L3MBTL4: variants seen among roughly 807,000 people sequenced by gnomAD.
The protein encoded by L3MBTL4 is L3MBTL histone methyl-lysine binding protein 4, also known as lethal(3)malignant brain tumor-like protein 4.
A neutral mutation model predicts 84.5 loss-of-function variants in L3MBTL4; 70 were observed. The ratio of observed to expected loss-of-function variants is 0.83; its 90% confidence interval spans 0.68 to 1.01. The LOEUF (loss-of-function observed/expected upper bound fraction) is 1.01. Ranked by LOEUF, L3MBTL4 falls within the 50% of genes least tolerant of loss-of-function variation. The pLI, the probability that L3MBTL4 is intolerant of heterozygous loss-of-function variation, is 0.00. For synonymous variants in L3MBTL4, 274 were observed against 259.8 expected (o/e 1.05, Z -0.52); for missense variants, 715 against 754.8 (o/e 0.95, Z 0.62).
At chr18:6,059,319 C>T (rs4422054) in intron 16 of L3MBTL4, among the ~76,000 whole-genome samples, 40,543 of 152,114 alleles carry the variant, frequency 0.27, 5,920 homozygotes, top group East Asian at 0.59. Flanking sequence ...AGCCTTGTAC[C>T]TAAAAATAAG....
chr18:6,017,690 T>G (rs2055060018), intron 16 of L3MBTL4: 1 of 152,186 alleles, frequency 6.6e-6, no homozygotes, highest in Admixed American at 6.5e-5. Flanking sequence ...AAAGAGCAAT[T>G]AATTCTTTTA....
chr18:5,986,238 G>A (rs1410535840), intron 16 of L3MBTL4, among the ~76,000 whole-genome samples: 1 of 152,150 alleles, frequency 6.6e-6, no homozygotes, highest in Non-Finnish European at 1.5e-5. Context: ...TTTCATATAC[G>A]ATGGTATTTG....
At chr18:6,211,196 G>A (rs1003775855) in intron 12 of L3MBTL4, among the ~76,000 whole-genome samples, 31 of 152,218 alleles carry the variant, frequency 2.0e-4, no homozygotes, top group Non-Finnish European at 3.4e-4. Flanking sequence ...ATGTCCAAGA[G>A]AAGAGTAATT....
At chr18:6,356,540 A>T (rs931733154) in intron 1 of L3MBTL4, among the ~76,000 whole-genome samples, 1 of 152,264 alleles carries the variant, frequency 6.6e-6, no homozygotes, top group Non-Finnish European at 1.5e-5. Context: ...CACTCAGGCT[A>T]TATGGAATGG....
At chr18:6,142,535 G>GA (rs1449298525) in intron 13 of L3MBTL4, among the ~76,000 whole-genome samples, 13 of 152,120 alleles carry the variant, frequency 8.5e-5, no homozygotes, top group Non-Finnish European at 1.8e-4. Context: ...CATAAATAAA[G>GA]AAAAATAGAG....
chr18:6,138,273 G>A lies in L3MBTL4; in HGVS notation c.1120C>T (p.Pro374Ser), dbSNP rs773492864. ...PQRTNDLKIL[P>S]GQAVCPTPGC... ...GGAGTAGGACAGACAGCTTGACCTG[G>A]AAGGATCTTCAGGTCATTCGTTCCT... The change falls in exon 14 of 19, where the codon CCA becomes TCA. Residue 374 changes from proline (P) to serine (S), a missense_variant. Pro to Ser is a moderately conservative substitution (Grantham distance 74, BLOSUM62 -1). Transcript: ENST00000317931. The A allele has an allele frequency of 2.8e-5, 45 of 1,611,622 alleles. No homozygotes were observed. Among genetic ancestry groups the A allele is most frequent in the Non-Finnish European group, 3.8e-5 (45 of 1,178,378 alleles).
chr18:6,004,446 A>G (rs1463840839), intron 16 of L3MBTL4, among the ~76,000 whole-genome samples: 13 of 152,210 alleles, frequency 8.5e-5, no homozygotes, highest in Admixed American at 8.5e-4. Flanking sequence ...TTTACCAAAT[A>G]TTTAAAGAAC....
chr18:6,216,243 A>C (rs918525558), intron 10 of L3MBTL4, among the ~76,000 whole-genome samples: 8 of 152,246 alleles, frequency 5.3e-5, no homozygotes, highest in Non-Finnish European at 1.2e-4. Flanking sequence ...AAAATCTTTC[A>C]AATTTCTCTA....
chr18:6,278,228 T>C (rs939793415), intron 4 of L3MBTL4, among the ~76,000 whole-genome samples: 1 of 152,144 alleles, frequency 6.6e-6, no homozygotes, highest in Non-Finnish European at 1.5e-5. Flanking sequence ...TGTTACATTA[T>C]GGTAAATAAT....
chr18:6,239,404 AT>A lies in L3MBTL4; in HGVS notation c.707+313del, dbSNP rs1192670857. ...AGATTTTTTAGACAAAAAAAAAAAA[AT>A]GCTGAAAGTTTTTAGCTTCCTCTTC... On this transcript the variant is annotated intron_variant, in intron 9 of 18. Transcript: ENST00000317931. Among the ~76,000 whole-genome samples, 402 of 136,316 alleles carry A rather than the reference AT, an allele frequency of 2.9e-3. 1 individual carries two copies. Among genetic ancestry groups the A allele is most frequent in the African/African-American group, 0.01 (378 of 36,998 alleles). 89.4% of individuals were successfully genotyped at this position (136,316 alleles called of 152,430 possible). A position where few individuals can be genotyped will look rare whatever the true frequency, so the allele number is the denominator to read the frequency against.
intron 1 of L3MBTL4, among the ~76,000 whole-genome samples, chr18:6,392,772 C>T (rs1568597894): frequency 6.6e-6 from 1 of 152,090 alleles, no homozygotes; most frequent in Non-Finnish European, 1.5e-5. Context: ...GCAACAAGAA[C>T]AAAACTAAAT....
Position 6,405,700 on chromosome 18 carries a change from C to T in L3MBTL4, c.-91+9101G>A, listed in dbSNP as rs577702618. Among the ~76,000 whole-genome samples, 8 of 123,450 alleles carry T rather than the reference C, an allele frequency of 6.5e-5. No homozygotes were observed. In the South Asian group the frequency reaches 2.0e-3, roughly 30 times the overall value. The allele number at this position is 123,450 out of a possible 152,430, so 81.0% of individuals were successfully genotyped here. A position where few individuals can be genotyped will look rare whatever the true frequency, so the allele number is the denominator to read the frequency against. ...CCCTAAACAGCTCTTCCAGCCCCTC[C>T]CAGTGCCACTGTGAATAGTAAGGCA... On this transcript the variant is annotated intron_variant, in intron 1 of 18. Coordinates refer to ENST00000317931, the MANE Select transcript of L3MBTL4 (RefSeq NM_001330559.2).
chr18:6,379,196 A>G (rs2054497729), intron 1 of L3MBTL4, among the ~76,000 whole-genome samples: 1 of 152,236 alleles, frequency 6.6e-6, no homozygotes, highest in Non-Finnish European at 1.5e-5. Context: ...GAAGTTGCTT[A>G]TCAGCTTAAG....
At chr18:6,117,981 C>T (rs1461509850) in intron 14 of L3MBTL4, among the ~76,000 whole-genome samples, 1 of 152,084 alleles carries the variant, frequency 6.6e-6, no homozygotes, top group Non-Finnish European at 1.5e-5. Flanking sequence ...TGCCTGAGAA[C>T]ACAGCCAGGC....
rs117922538 is a variant in L3MBTL4, at chr18:6,019,964, A to T, written c.1445-50402T>A. Among the ~76,000 whole-genome samples, 40 of 152,324 alleles carry T rather than the reference A, an allele frequency of 2.6e-4. No individual in the cohort carries two copies. The East Asian group carries it at 7.5e-3, about 29-fold the overall frequency. Reference sequence around the variant, plus strand: ...GTCCATCTCTGCGTTCCCAGGGTGCATCATTTATTCGGAAGTGTCTTGAGT... The same window carrying T: ...GTCCATCTCTGCGTTCCCAGGGTGCTTCATTTATTCGGAAGTGTCTTGAGT... On this transcript the variant is annotated intron_variant, in intron 16 of 18. Coordinates refer to ENST00000317931, the MANE Select transcript of L3MBTL4 (RefSeq NM_001330559.2).
At chr18:6,166,264 G>C (rs896525348) in intron 13 of L3MBTL4, among the ~76,000 whole-genome samples, 1 of 152,178 alleles carries the variant, frequency 6.6e-6, no homozygotes, top group Non-Finnish European at 1.5e-5. Flanking sequence ...ACATTAGACA[G>C]ATCAATGAGA....
intron 1 of L3MBTL4, chr18:6,395,476 T>G (rs1354829778): frequency 6.6e-6 from 1 of 152,190 alleles, no homozygotes; most frequent in Non-Finnish European, 1.5e-5. Flanking sequence ...GAAGGGAAAC[T>G]TTCTCTTTTA....
At chr18:6,145,483 C>CA (rs139752128) in intron 13 of L3MBTL4, among the ~76,000 whole-genome samples, 22,627 of 148,138 alleles carry the variant, frequency 0.15, 1,866 homozygotes, top group Middle Eastern at 0.21. Flanking sequence ...TGGCCAGCAT[C>CA]AAAAAAAAAG....
intron 14 of L3MBTL4, among the ~76,000 whole-genome samples, chr18:6,113,879 T>A (rs1198639035): frequency 6.6e-6 from 1 of 152,202 alleles, no homozygotes; most frequent in African/African-American, 2.4e-5. Flanking sequence ...TGTTTGGAAT[T>A]GTCCTGCATC....
Sources: gnomAD v4.1 joint callset for allele counts (sites outside exome capture counted in the v4.1 genomes callset) on GRCh38, gnomAD v4.1.1 for gene constraint, MANE v1.5 for transcripts, NCBI Gene and HGNC (gene_info 2026-07-23, HGNC 2026-07-21) for gene names.